PCDH15: variants seen among roughly 807,000 people sequenced by gnomAD.
PCDH15 encodes the protein protocadherin-15.
A neutral mutation model predicts 178.5 loss-of-function variants in PCDH15; 129 were observed. The ratio of observed to expected loss-of-function variants is 0.72; its 90% CI spans 0.63 to 0.84. The LOEUF (loss-of-function observed/expected upper bound fraction) is 0.84. PCDH15 is among the 40% of genes least tolerant of loss of function. PCDH15 has a pLI of 0.00. For synonymous variants in PCDH15, 800 were observed against 732.0 expected, an observed-to-expected ratio of 1.09 and a Z score of -1.50; for missense variants, 2,230 against 2,099.9, an observed-to-expected ratio of 1.06 and a Z score of -1.21.
chr10:53,945,156 ATT>A (rs2086425806), intron 23 of PCDH15, among the ~76,000 whole-genome samples: 2 of 152,308 alleles, frequency 1.3e-5, no homozygotes, highest in South Asian at 4.1e-4. Flanking sequence ...AATTAATAAT[ATT>A]TTTGTTTTTA....
chr10:55,319,759 A>G (rs1843837782), upstream of PCDH15: 1 of 152,278 alleles, frequency 6.6e-6, no homozygotes, highest in Non-Finnish European at 1.5e-5. Context: ...TGGACATCTG[A>G]GTTGGCAGGG....
chr10:55,557,546 C>T (rs1403296646), intron 2 of PCDH15, among the ~76,000 whole-genome samples: 1 of 152,010 alleles, frequency 6.6e-6, no homozygotes, highest in Non-Finnish European at 1.5e-5. Context: ...GACGATAGCC[C>T]CCTTGTCATC....
intron 3 of PCDH15, among the ~76,000 whole-genome samples, chr10:54,807,403 C>A (rs866189924): frequency 6.6e-6 from 1 of 151,936 alleles, no homozygotes; most frequent in African/African-American, 2.4e-5. Flanking sequence ...CAAAAATAAA[C>A]CAAAATAAGT....
chr10:54,130,660 A>T (rs985446165), intron 15 of PCDH15, among the ~76,000 whole-genome samples: 2 of 152,182 alleles, frequency 1.3e-5, no homozygotes, highest in Non-Finnish European at 2.9e-5. Context: ...GCCTGAAAAG[A>T]AACGACTTTG....
intron 26 of PCDH15, among the ~76,000 whole-genome samples, chr10:53,876,194 T>G (rs1363302731): frequency 5.6e-5 from 3 of 53,334 alleles, no homozygotes; most frequent in Non-Finnish European, 8.3e-5. Flanking sequence ...TTTTTTGTTT[T>G]TTTGTTTTTT....
intron 1 of PCDH15, among the ~76,000 whole-genome samples, chr10:54,745,894 A>T (rs1369325050): frequency 6.6e-6 from 1 of 152,180 alleles, no homozygotes; most frequent in Non-Finnish European, 1.5e-5. Flanking sequence ...CTTTTATTAG[A>T]TATTTTCTTG....
intron 3 of PCDH15, among the ~76,000 whole-genome samples, chr10:54,866,301 C>G (rs909464831): frequency 2.0e-5 from 3 of 152,014 alleles, no homozygotes; most frequent in African/African-American, 7.2e-5. Flanking sequence ...AAAGTCTAAC[C>G]CTTTTGCTAA....
At chr10:54,555,993 T>C (rs2087211171) in intron 2 of PCDH15, among the ~76,000 whole-genome samples, 1 of 152,112 alleles carries the variant, frequency 6.6e-6, no homozygotes, top group Admixed American at 6.6e-5. Flanking sequence ...CCAGCAGTTG[T>C]GTCTAACAGA....
Position 54,749,535 on chromosome 10 carries a change from G to A in PCDH15, c.-29+51390C>T, listed in dbSNP as rs138595518. 3.0e-3 allele frequency among the ~76,000 whole-genome samples: 451 copies of A among 152,146 alleles called. 2 individuals carry two copies. The highest frequency in any genetic ancestry group is 8.2e-3 in the Admixed American group (126 of 15,288). ...AACCCAGAGTTCCATTTACTCATTCGAATGGCTATACTTTTTTAGAATCTC... is the reference window on the plus strand; with the variant it reads ...AACCCAGAGTTCCATTTACTCATTCAAATGGCTATACTTTTTTAGAATCTC... On this transcript the variant is annotated intron_variant, in intron 1 of 37. Coordinates refer to ENST00000644397, the MANE Select transcript of PCDH15 (RefSeq NM_001384140.1).
intron 2 of PCDH15, among the ~76,000 whole-genome samples, chr10:54,608,680 A>G (rs983413273): frequency 6.6e-6 from 1 of 152,086 alleles, no homozygotes; most frequent in African/African-American, 2.4e-5. Flanking sequence ...ATATTCGTCA[A>G]GAAGTCAAGA....
intron 3 of PCDH15, among the ~76,000 whole-genome samples, chr10:54,486,530 G>T (rs1469083952): frequency 6.6e-6 from 1 of 151,948 alleles, no homozygotes; most frequent in South Asian, 2.1e-4. Flanking sequence ...GAGGCTACTA[G>T]TTATTCCCAA....
intron 3 of PCDH15, among the ~76,000 whole-genome samples, chr10:54,416,160 T>A (rs7904848): frequency 0.79 from 120,469 of 151,658 alleles, 48,627 homozygotes; most frequent in East Asian, 0.97. Context: ...ATTTTTAAAA[T>A]TTTTACTTTA....
chr10:54,339,018 G>T (rs916994341), intron 6 of PCDH15, among the ~76,000 whole-genome samples: 2 of 151,722 alleles, frequency 1.3e-5, no homozygotes, highest in African/African-American at 4.8e-5. Context: ...CAGATCATGT[G>T]ATGACAAATT....
chr10:53,971,839 A>T (rs1200887330), intron 21 of PCDH15, among the ~76,000 whole-genome samples: 1 of 152,226 alleles, frequency 6.6e-6, no homozygotes, highest in African/African-American at 2.4e-5. Context: ...CGAAGAATCA[A>T]TACCATGAAA....
intron 5 of PCDH15, among the ~76,000 whole-genome samples, chr10:54,355,542 T>C (rs1486017973): frequency 3.3e-5 from 5 of 151,790 alleles, no homozygotes; most frequent in Admixed American, 3.3e-4. Flanking sequence ...TCTGAAAAAA[T>C]GAGAAATAAA....
intron 2 of PCDH15, among the ~76,000 whole-genome samples, chr10:55,594,364 G>A (rs1424020367): frequency 6.6e-6 from 1 of 151,736 alleles, no homozygotes; most frequent in Non-Finnish European, 1.5e-5. Context: ...TTTTTTTGAG[G>A]TTAAACTTCA....
chr10:54,068,273 T>G (rs180875744), intron 17 of PCDH15, among the ~76,000 whole-genome samples: 1 of 152,182 alleles, frequency 6.6e-6, no homozygotes, highest in Non-Finnish European at 1.5e-5. Context: ...AGCAGGGAAT[T>G]CCTGGGTATT....
In PCDH15 at chr10:54,518,603, C is replaced by T. The variant is rs1283888498; in HGVS notation, c.157+9209G>A. On this transcript the variant is annotated intron_variant, in intron 3 of 37. Coordinates refer to ENST00000644397, the MANE Select transcript of PCDH15 (RefSeq NM_001384140.1). ...CAACCAAAAAGAGTCCAGGACAAGA[C>T]GGATTCACAGCCGAATTCTACCAGA... Among the ~76,000 whole-genome samples the T allele has an allele frequency of 1.1e-4, 16 of 152,114 alleles. 1 individual carries two copies. The highest frequency in any genetic ancestry group is 7.9e-4 in the Admixed American group (12 of 15,276).
intron 2 of PCDH15, among the ~76,000 whole-genome samples, chr10:54,968,164 A>T (rs1269544862): frequency 1.3e-5 from 2 of 152,290 alleles, no homozygotes; most frequent in East Asian, 3.9e-4. Flanking sequence ...ATATGTACAT[A>T]ACTGTTCATT....
Sources: gnomAD v4.1 joint callset for allele counts (sites outside exome capture counted in the v4.1 genomes callset) on GRCh38, gnomAD v4.1.1 for gene constraint, MANE v1.5 for transcripts, NCBI Gene and HGNC (gene_info 2026-07-23, HGNC 2026-07-21) for gene names.